The following SPECC1 variants were observed in gnomAD, a reference collection of about 807,000 sequenced individuals.
SPECC1 encodes the protein sperm antigen with calponin homology and coiled-coil domains 1.
Under a neutral mutation model 104.1 loss-of-function variants are expected in SPECC1, and 62 were observed. That is an observed-to-expected ratio of 0.60 (90% CI 0.49 to 0.74). SPECC1 has a LOEUF of 0.74. Ranked by LOEUF, SPECC1 falls within the 30% of genes least tolerant of loss-of-function variation. The pLI is 0.00. For synonymous variants in SPECC1, 513 were observed against 501.6 expected, an observed-to-expected ratio of 1.02 and a Z score of -0.30; for missense variants, 1,306 against 1,310.5, an observed-to-expected ratio of 1.00 and a Z score of 0.05.
rs113779814 is a variant in SPECC1 at position 20,257,438 on chromosome 17, G to C, written c.2681-13G>C. The C allele has an allele frequency of 1.4e-5, 22 of 1,559,400 alleles. No homozygotes were observed. In the African/African-American group the frequency reaches 2.9e-4, roughly 21 times the overall value. On this transcript the variant is annotated splice_polypyrimidine_tract_variant and intron_variant, in intron 10 of 14. Transcript: ENST00000395527. ...TTCTTTGGGAATGAGTGATTATGTG[G>C]TTGTTCCCACAGATATTCTAAAGGG... is the stretch of plus-strand genomic sequence containing the variant.
At chr17:20,184,996 T>C (rs1326496057) in intron 3 of SPECC1, 1 of 152,288 alleles carries the variant, frequency 6.6e-6, no homozygotes, top group Non-Finnish European at 1.5e-5. Flanking sequence ...GCGAGTGGGC[T>C]TTATAGCTGT....
intron 2 of SPECC1, among the ~76,000 whole-genome samples, chr17:20,102,462 C>A (rs2047987657): frequency 6.6e-6 from 1 of 152,204 alleles, no homozygotes; most frequent in Non-Finnish European, 1.5e-5. Flanking sequence ...GCACATCATA[C>A]TTATCCTGTT....
chr17:20,182,263 A>G (rs553552387), intron 3 of SPECC1, among the ~76,000 whole-genome samples: 7 of 151,774 alleles, frequency 4.6e-5, no homozygotes, highest in Non-Finnish European at 1.0e-4. Flanking sequence ...ACAGTTGCAC[A>G]CCACCATGTC....
chr17:20,297,406 A>G (rs1476204321), intron 13 of SPECC1, among the ~76,000 whole-genome samples: 1 of 152,252 alleles, frequency 6.6e-6, no homozygotes, highest in Non-Finnish European at 1.5e-5. Context: ...TCACATTTTC[A>G]GAGAGCATGG....
At chr17:20,275,158 A>T (rs931404147) in intron 12 of SPECC1, among the ~76,000 whole-genome samples, 1 of 152,134 alleles carries the variant, frequency 6.6e-6, no homozygotes. Context: ...ACATAAATAC[A>T]TTTACTAGTA....
chr17:20,034,162 A>G (rs2044955107), intron 1 of SPECC1, among the ~76,000 whole-genome samples: 1 of 151,820 alleles, frequency 6.6e-6, no homozygotes, highest in South Asian at 2.1e-4. Context: ...CAGTGGCACA[A>G]TCTCGGCTCA....
At chr17:20,246,811 A>G (rs537224287) in intron 8 of SPECC1, among the ~76,000 whole-genome samples, 1 of 152,216 alleles carries the variant, frequency 6.6e-6, no homozygotes, top group Non-Finnish European at 1.5e-5. Context: ...TAATCCTAGG[A>G]TGTACCTGGT....
intron 13 of SPECC1, 165 bp from the exon 14 acceptor site, chr17:20,305,858 A>ATT: frequency 8.7e-5 from 41 of 471,348 alleles, no homozygotes; most frequent in East Asian, 1.5e-4. Context: ...CAACCTGTTG[A>ATT]TTTTTTTTTT....
intron 3 of SPECC1, among the ~76,000 whole-genome samples, chr17:20,162,056 A>G (rs1312033261): frequency 2.0e-5 from 3 of 151,520 alleles, no homozygotes; most frequent in Non-Finnish European, 4.4e-5. Context: ...GGGCCTCCCA[A>G]ATTGCTGGGA....
chr17:20,255,400 C>T (rs895374365), intron 10 of SPECC1, among the ~76,000 whole-genome samples: 2 of 152,146 alleles, frequency 1.3e-5, no homozygotes, highest in African/African-American at 2.4e-5. Context: ...TTTGATGACA[C>T]GCATAGTGCT....
At chr17:20,030,234 G>T (rs1207558143) in intron 1 of SPECC1, among the ~76,000 whole-genome samples, 1 of 151,600 alleles carries the variant, frequency 6.6e-6, no homozygotes, top group South Asian at 2.1e-4. Context: ...TAGTATCTAG[G>T]GTTTAACATG....
chr17:20,134,060 TTATA>T (rs565109466), intron 3 of SPECC1, among the ~76,000 whole-genome samples: 127 of 151,280 alleles, frequency 8.4e-4, no homozygotes, highest in Non-Finnish European at 1.6e-3. Context: ...CATATAATGT[TTATA>T]TATGTTTAAA....
chr17:20,310,790 T>C (rs1358109541), intron 14 of SPECC1, among the ~76,000 whole-genome samples: 4 of 152,226 alleles, frequency 2.6e-5, no homozygotes, highest in East Asian at 3.8e-4. Flanking sequence ...GGGCCTACTC[T>C]GCAAGTGTAA....
At chr17:20,292,705 C>T (rs2041213421) in intron 12 of SPECC1, among the ~76,000 whole-genome samples, 1 of 152,138 alleles carries the variant, frequency 6.6e-6, no homozygotes, top group Non-Finnish European at 1.5e-5. Flanking sequence ...GCCAAGAGTC[C>T]ACAGGATCAG....
At chr17:20,013,653 C>T (rs112461972) in intron 1 of SPECC1, among the ~76,000 whole-genome samples, 2,506 of 152,252 alleles carry the variant, frequency 0.016, 62 homozygotes, top group African/African-American at 0.054. Flanking sequence ...AGGCCTGCAA[C>T]CACTATGCCC....
chr17:20,289,442 T>A (rs1158542385), intron 12 of SPECC1, among the ~76,000 whole-genome samples: 1 of 152,036 alleles, frequency 6.6e-6, no homozygotes, highest in South Asian at 2.1e-4. Context: ...GCTGGTACTA[T>A]AGGTGCACAC....
chr17:20,077,694 T>G (rs1018312642), intron 1 of SPECC1, among the ~76,000 whole-genome samples: 6 of 152,276 alleles, frequency 3.9e-5, no homozygotes, highest in African/African-American at 1.2e-4. Context: ...CTCGGACTCC[T>G]GACCTCAGGT....
chr17:20,286,666 C>T (rs577860978), intron 12 of SPECC1, among the ~76,000 whole-genome samples: 1 of 152,308 alleles, frequency 6.6e-6, no homozygotes, highest in African/African-American at 2.4e-5. Context: ...GTTTTTCTGC[C>T]TGGTGCCCAG....
At chr17:20,174,570 G>T (rs558664008) in intron 3 of SPECC1, among the ~76,000 whole-genome samples, 1 of 151,366 alleles carries the variant, frequency 6.6e-6, no homozygotes, top group Non-Finnish European at 1.5e-5. Context: ...GGCCTTCACC[G>T]TGTCCCAAAT....
Sources: allele counts gnomAD v4.1 joint callset (sites outside exome capture counted in the v4.1 genomes callset), GRCh38; gene constraint gnomAD v4.1.1; transcripts MANE v1.5; gene names NCBI Gene and HGNC (gene_info 2026-07-23, HGNC 2026-07-21).